Variants in PAPLN observed in about 807,000 individuals in gnomAD.
PAPLN encodes the protein papilin, proteoglycan like sulfated glycoprotein.
PAPLN carries 146 observed loss-of-function variants against 159.0 expected under a neutral mutation model. The observed-to-expected ratio is 0.92, with a 90% CI of 0.80 to 1.05. The LOEUF (loss-of-function observed/expected upper bound fraction) is 1.05, where lower values mean the gene tolerates loss of function less well. Ranked by LOEUF, PAPLN falls within the 50% of genes least tolerant of loss-of-function variation. The probability of loss-of-function intolerance (pLI) is 0.00; values close to 1 mark genes in which losing one functional copy is unlikely to be tolerated. For missense variants in PAPLN, 1,720 were observed against 1,743.9 expected, an observed-to-expected ratio of 0.99 and a Z score of 0.24; for synonymous variants, 734 against 702.9, an observed-to-expected ratio of 1.04 and a Z score of -0.70.
intron 21 of PAPLN, 81 bp from the exon 22 acceptor site, chr14:73,264,507 C>A (rs1359366353): frequency 5.2e-6 from 8 of 1,532,314 alleles, no homozygotes; most frequent in African/African-American, 1.4e-5. Context: ...TCCGTAAGTC[C>A]CTGCTGGTCT....
Position 73,264,291 on chromosome 14 carries a change from C to T in PAPLN, c.2942C>T (p.Thr981Ile). The T allele has an allele frequency of 6.2e-7, 1 of 1,613,994 alleles. No individual in the cohort carries two copies. Among genetic ancestry groups the T allele is most frequent in the South Asian group, 1.1e-5 (1 of 91,086 alleles). Residue 981 changes from threonine to isoleucine, a missense_variant, in exon 21 of 27, where the codon ACC becomes ATC. Transcript: ENST00000644200. Reference protein sequence around the residue: ...EDAGTYSCGSTRPGRDSQKIQ... With the variant: ...EDAGTYSCGSIRPGRDSQKIQ... ...GCGGGCACCTACAGCTGTGGCAGCACCCGGCCAGGCCGCGACTCCCAGAAG... is the reference window on the plus strand; with the variant it reads ...GCGGGCACCTACAGCTGTGGCAGCATCCGGCCAGGCCGCGACTCCCAGAAG...
chr14:73,237,102 G>A (rs1257590178), upstream of PAPLN, among the ~76,000 whole-genome samples: 1 of 152,158 alleles, frequency 6.6e-6, no homozygotes, highest in African/African-American at 2.4e-5. Flanking sequence ...GCTGGGAGAT[G>A]GGTAACAGCA....
intron 11 of PAPLN, chr14:73,253,172 T>C: frequency 7.3e-7 from 1 of 1,365,030 alleles, no homozygotes; most frequent in South Asian, 1.1e-5. Flanking sequence ...ACCTCTTACC[T>C]GCACCGGCCT....
Position 73,272,685 on chromosome 14 carries a change from C to T in PAPLN, c.*21C>T. 1 of 1,535,818 alleles carries T rather than the reference C, an allele frequency of 6.5e-7. No individual in the cohort carries two copies. The highest frequency in any genetic ancestry group is 8.9e-7 in the Non-Finnish European group (1 of 1,128,030). The stretch of plus-strand genomic sequence containing the variant: ...AGTAGGGATGAAGGCTAGTTCCAGC[C>T]CCAGTCCAAAATAGTTCATAGGGCT... On this transcript the variant is annotated 3_prime_UTR_variant, in exon 27 of 27. Coordinates refer to ENST00000644200, the MANE Select transcript of PAPLN (RefSeq NM_001365906.3).
At chr14:73,240,052 T>C (rs886551814) in intron 2 of PAPLN, among the ~76,000 whole-genome samples, 7 of 152,158 alleles carry the variant, frequency 4.6e-5, no homozygotes, top group Non-Finnish European at 7.4e-5. Context: ...CAGGGCGCAG[T>C]GTGTAGGAAT....
In PAPLN at chr14:73,252,654, C is replaced by T. The variant is rs1210958074; in HGVS notation, c.973C>T (p.Gln325Ter). 1 of 1,612,692 alleles carries T rather than the reference C, an allele frequency of 6.2e-7. No individual in the cohort carries two copies. The highest frequency in any genetic ancestry group is 1.7e-5 in the Admixed American group (1 of 60,002). The change falls in exon 11 of 27, where the codon CAG (glutamine) becomes TAG (stop). Residue 325 changes from glutamine (Q) to a stop codon, truncating the protein, a stop_gained. Transcript: ENST00000644200. LOFTEE classifies it high-confidence loss of function. Reference protein sequence around the residue: ...DCSAECGGGHQSRLVFCTIDH... With the variant: ...DCSAECGGGH ...ATGGCTGGGCCTCTGCGCAGGTCAC[C>T]AGTCCCGCCTGGTGTTCTGCACCAT...
intron 5 of PAPLN, among the ~76,000 whole-genome samples, chr14:73,247,822 GT>G (rs1884667065): frequency 7.7e-6 from 1 of 129,866 alleles, no homozygotes; most frequent in Non-Finnish European, 1.6e-5. Flanking sequence ...GTGTGTGTGT[GT>G]GTGTGTGTGT....
chr14:73,261,068 C>T, intron 17 of PAPLN, 88 bp from the exon 18 acceptor site: 5 of 1,603,418 alleles, frequency 3.1e-6, no homozygotes, highest in Non-Finnish European at 3.4e-6. Context: ...CTGGCCCCTC[C>T]TTCCTGCCAT....
rs750890425 is a variant in PAPLN, at chr14:73,253,832, G to A, written c.1173G>A (p.Ser391=). The A allele has an allele frequency of 5.6e-6, 9 of 1,613,560 alleles. No homozygotes were observed. The highest frequency in any genetic ancestry group is 2.2e-5 in the East Asian group (1 of 44,888). ...AGTCCCGCTCCGTGTACTGCATCTC[G>A]TCTGACGGGGCCGGCATCCAGGAGG... The part of the protein sequence containing the change: ...GSQSRSVYCI[S]SDGAGIQEAV... Residue 391 remains serine, a synonymous_variant, in exon 12 of 27, where the codon TCG becomes TCA. Transcript: ENST00000644200.
rs766242141 is a variant in PAPLN at position 73,272,610 on chromosome 14, C to T, written c.3783C>T (p.Phe1261=). The T allele has an allele frequency of 6.3e-7, 1 of 1,597,726 alleles. No individual in the cohort carries two copies. The highest frequency in any genetic ancestry group is 8.6e-7 in the Non-Finnish European group (1 of 1,166,462). Residue 1261 remains phenylalanine (F), a synonymous_variant, in exon 27 of 27, where the codon TTC becomes TTT. Transcript: ENST00000644200. ...QLCGNEYYSS[F]CCASCSRFQP... ...GTGGCAATGAGTATTACTCCAGCTT[C>T]TGCTGTGCCAGCTGTTCACGTTTCC... is the stretch of plus-strand genomic sequence containing the variant.
At chr14:73,259,122 C>CATGGGGGT (rs1886262632) in intron 15 of PAPLN, 63 bp downstream of exon 15, 2 of 1,554,470 alleles carry the variant, frequency 1.3e-6, no homozygotes, top group African/African-American at 1.4e-5. Context: ...GTGGATGGTA[C>CATGGGGGT]ATGGGGGTGT....
At position 73,254,866 on chromosome 14, in the gene PAPLN, G is replaced by A. The variant is rs375533171; in HGVS notation, c.1486-11G>A. On this transcript the variant is annotated splice_polypyrimidine_tract_variant and intron_variant, in intron 13 of 26. Coordinates refer to ENST00000644200, the MANE Select transcript of PAPLN (RefSeq NM_001365906.3). Reference sequence around the variant, plus strand: ...CTCAGCATCTCTCTCTCTCCCACTCGTGGGCCTCAGTGCTCCAAGAGCTGC... The same window carrying A: ...CTCAGCATCTCTCTCTCTCCCACTCATGGGCCTCAGTGCTCCAAGAGCTGC... 9.8e-5 allele frequency: 158 copies of A among 1,610,156 alleles called. No homozygotes were observed. The highest frequency in any genetic ancestry group is 3.6e-4 in the Middle Eastern group (2 of 5,622).
intron 18 of PAPLN, among the ~76,000 whole-genome samples, chr14:73,261,704 T>C (rs1357889998): frequency 6.6e-6 from 1 of 151,552 alleles, no homozygotes; most frequent in Non-Finnish European, 1.5e-5. Flanking sequence ...GTCAGGGAGG[T>C]CTTTGAGGTT....
chr14:73,244,664 G>C lies in PAPLN; in HGVS notation c.75G>C (p.Gln25His), dbSNP rs771982045. ...PGSSAPKVRR[Q>H]SDTWGPWSQW... The stretch of plus-strand genomic sequence containing the variant: ...TGCAGGCTCCCAAGGTGAGGCGGCA[G>C]AGTGACACCTGGGGACCCTGGAGCC... Residue 25 changes from glutamine to histidine, a missense_variant, in exon 3 of 27, where the codon CAG (glutamine) becomes CAC (histidine). Gln to His is a conservative substitution (Grantham distance 24). Transcript: ENST00000644200. 9 of 1,590,792 alleles carry C rather than the reference G, an allele frequency of 5.7e-6. No individual in the cohort carries two copies. In the Admixed American group the frequency reaches 1.6e-4, roughly 28 times the overall value.
At chr14:73,272,465 C>T in intron 26 of PAPLN, 30 bp from the exon 27 acceptor site, 1 of 1,489,506 alleles carries the variant, frequency 6.7e-7, no homozygotes, top group South Asian at 1.4e-5. Context: ...AGCTTCCTCA[C>T]CACCTTCTCT....
At chr14:73,262,307 T>C in intron 18 of PAPLN, 43 bp from the exon 19 acceptor site, 1 of 1,553,044 alleles carries the variant, frequency 6.4e-7, no homozygotes, top group Non-Finnish European at 8.8e-7. Flanking sequence ...GCAGCTTTAG[T>C]ACTGGGCACC....
rs60112861 is a variant in PAPLN at position 73,266,370 on chromosome 14, G to A, written c.3264-131G>A. 9.8e-4 allele frequency: 1,125 copies of A among 1,144,328 alleles called. 6 individuals are homozygous for A. The African/African-American group carries it at 0.016, about 16-fold the overall frequency. The allele number at this position is 1,144,328 out of a possible 1,614,324, so 70.9% of individuals were successfully genotyped here. ...TCTGTCAGACCCCACCAAACACTAG[G>A]GGATGCTTAGCCTCTCACCAGGGAC... On this transcript the variant is annotated intron_variant, in intron 23 of 26. Coordinates refer to ENST00000644200, the MANE Select transcript of PAPLN (RefSeq NM_001365906.3).
In PAPLN at chr14:73,273,183, T is replaced by A. The variant is rs1303774789; in HGVS notation, c.*519T>A. 6.6e-6 allele frequency: 1 copy of A among 152,324 alleles called. No individual in the cohort carries two copies. The highest frequency in any genetic ancestry group is 1.9e-4 in the East Asian group (1 of 5,196). The allele number at this position is 152,324 out of a possible 1,614,324, so 9.4% of individuals were successfully genotyped here. A position where few individuals can be genotyped will look rare whatever the true frequency, so the allele number is the denominator to read the frequency against. On this transcript the variant is annotated 3_prime_UTR_variant, in exon 27 of 27. Coordinates refer to ENST00000644200, the MANE Select transcript of PAPLN (RefSeq NM_001365906.3). Reference sequence around the variant, plus strand: ...TTAGTTGAGATGGGGTTTCACCATGTTGGCCAGGCTGGTCTCGAACTTCTG... The same window carrying A: ...TTAGTTGAGATGGGGTTTCACCATGATGGCCAGGCTGGTCTCGAACTTCTG...
chr14:73,267,596 G>C (rs1309884048), intron 25 of PAPLN, among the ~76,000 whole-genome samples: 2 of 152,260 alleles, frequency 1.3e-5, no homozygotes, highest in South Asian at 2.1e-4. Flanking sequence ...CCAAAGGTGG[G>C]CATTTGAGAA....
Sources: allele counts gnomAD v4.1 joint callset (sites outside exome capture counted in the v4.1 genomes callset), GRCh38; gene constraint gnomAD v4.1.1; transcripts MANE v1.5; gene names NCBI Gene and HGNC (gene_info 2026-07-23, HGNC 2026-07-21).